RTL4: variants seen among roughly 807,000 people sequenced by gnomAD.
The protein encoded by RTL4 is retrotransposon Gag-like protein 4.
Under a neutral mutation model 5.3 loss-of-function variants are expected in RTL4, and 4 were observed. That is an observed-to-expected ratio of 0.75 (90% CI 0.37 to 1.72). The LOEUF (loss-of-function observed/expected upper bound fraction) is 1.72, where lower values mean the gene tolerates loss of function less well. Ranked by LOEUF, RTL4 falls within the 40% of genes most tolerant of loss-of-function variation. RTL4 has a pLI of 0.04. For synonymous variants in RTL4, 98 were observed against 87.3 expected (o/e 1.12, Z -0.68); for missense variants, 260 against 227.1 (o/e 1.14, Z -0.93).
At chrX:112,094,839 G>A in the RTL4 span, among the ~76,000 whole-genome samples, 1 of 111,463 alleles carries the variant, frequency 9.0e-6, no homozygotes, top group African/African-American at 3.3e-5. Flanking sequence ...TTGATTCCCT[G>A]ATTTTAGTTA....
the RTL4 span, among the ~76,000 whole-genome samples, chrX:112,165,856 A>G: frequency 1.8e-5 from 2 of 112,248 alleles, no homozygotes; most frequent in Non-Finnish European, 3.8e-5. Context: ...ATTTCCTGTC[A>G]AGGAGAGGCA....
the RTL4 span, among the ~76,000 whole-genome samples, chrX:112,101,449 G>A: frequency 9.0e-6 from 1 of 111,161 alleles, no homozygotes; most frequent in Non-Finnish European, 1.9e-5. Context: ...AATCATGAAG[G>A]TAGAAGAGGC....
At chrX:112,184,764 G>A in the RTL4 span, among the ~76,000 whole-genome samples, 2 of 111,829 alleles carry the variant, frequency 1.8e-5, no homozygotes, top group Non-Finnish European at 3.8e-5. Flanking sequence ...AGAGATCTTG[G>A]TAAGAAAAAT....
chrX:112,282,810 T>C, the RTL4 span, among the ~76,000 whole-genome samples: 4 of 111,716 alleles, frequency 3.6e-5, no homozygotes, highest in African/African-American at 1.3e-4. Flanking sequence ...AAAATATTAA[T>C]AATTGAAGAT....
At chrX:112,410,408 T>A in the RTL4 span, among the ~76,000 whole-genome samples, 16,351 of 111,496 alleles carry the variant, frequency 0.15, 1,027 homozygotes, top group East Asian at 0.26. Context: ...ATAGAACATT[T>A]CATCCATTGG....
chrX:112,178,378 G>A, the RTL4 span, among the ~76,000 whole-genome samples: 2 of 90,674 alleles, frequency 2.2e-5, no homozygotes, highest in South Asian at 4.3e-4. Flanking sequence ...GCATTGGACC[G>A]TGAAACAGAA....
the RTL4 span, among the ~76,000 whole-genome samples, chrX:112,281,407 A>T: frequency 7.7e-4 from 86 of 112,171 alleles, no homozygotes; most frequent in Non-Finnish European, 1.4e-3. Context: ...ACACAGGTTG[A>T]TTCCGTATTT....
chrX:112,344,327 A>C, the RTL4 span, among the ~76,000 whole-genome samples: 1 of 112,190 alleles, frequency 8.9e-6, no homozygotes, highest in South Asian at 3.7e-4. Flanking sequence ...TTACACTGCT[A>C]TAAAGAAGTA....
chrX:112,325,439 G>C, the RTL4 span, among the ~76,000 whole-genome samples: 1 of 111,775 alleles, frequency 8.9e-6, no homozygotes, highest in Non-Finnish European at 1.9e-5. Context: ...CATGATACTG[G>C]TACCAAAACA....
the RTL4 span, among the ~76,000 whole-genome samples, chrX:112,129,808 G>A: frequency 9.0e-6 from 1 of 111,683 alleles, no homozygotes; most frequent in African/African-American, 3.2e-5. Flanking sequence ...TTTAGCAAGG[G>A]TACAGGATAG....
At chrX:112,182,042 G>C in the RTL4 span, among the ~76,000 whole-genome samples, 3 of 111,501 alleles carry the variant, frequency 2.7e-5, no homozygotes, top group Admixed American at 2.9e-4. Context: ...AGGCAAACAG[G>C]GTCTGGGGTG....
chrX:112,149,192 A>G, the RTL4 span, among the ~76,000 whole-genome samples: 1 of 111,960 alleles, frequency 8.9e-6, no homozygotes, highest in African/African-American at 3.2e-5. Flanking sequence ...GGTGCCTGCT[A>G]TGAGTGAGAC....
the RTL4 span, among the ~76,000 whole-genome samples, chrX:112,311,687 G>T: frequency 2.7e-5 from 3 of 111,364 alleles, no homozygotes; most frequent in Non-Finnish European, 5.6e-5. Flanking sequence ...ATTCATTAGT[G>T]TATTTAGGAT....
At chrX:112,376,681 A>G in the RTL4 span, among the ~76,000 whole-genome samples, 1 of 111,525 alleles carries the variant, frequency 9.0e-6, no homozygotes, top group Non-Finnish European at 1.9e-5. Flanking sequence ...AATAAGCCTC[A>G]ATACTAGTTT....
At chrX:112,454,596 T>C in exon 1 of RTL4, 1 of 594,453 alleles carries the variant, frequency 1.7e-6, no homozygotes. Context: ...CCTAGTGTCT[T>C]CTTCACAGCT....
At chrX:112,196,847 T>G in the RTL4 span, among the ~76,000 whole-genome samples, 1 of 111,241 alleles carries the variant, frequency 9.0e-6, no homozygotes, top group Non-Finnish European at 1.9e-5. Context: ...TTTCTTAAAC[T>G]GTTGAATTAT....
chrX:112,122,342 T>C, the RTL4 span, among the ~76,000 whole-genome samples: 206 of 111,173 alleles, frequency 1.9e-3, 1 homozygote, highest in African/African-American at 6.5e-3. Flanking sequence ...GAAAGACAAA[T>C]ATCACATGTT....
chrX:112,381,087 G>A, the RTL4 span, among the ~76,000 whole-genome samples: 11 of 111,360 alleles, frequency 9.9e-5, no homozygotes, highest in East Asian at 2.6e-3. Flanking sequence ...AGGGTTGCTG[G>A]GCAGCACCGA....
chrX:112,446,261 T>C, the RTL4 span, among the ~76,000 whole-genome samples: 2 of 112,168 alleles, frequency 1.8e-5, no homozygotes, highest in African/African-American at 6.5e-5. Context: ...TCTAAATTCT[T>C]CTAGATAATA....
Sources: allele counts gnomAD v4.1 joint callset (sites outside exome capture counted in the v4.1 genomes callset), GRCh38; gene constraint gnomAD v4.1.1; transcripts MANE v1.5; gene names NCBI Gene and HGNC (gene_info 2026-07-23, HGNC 2026-07-21).